CYP2D6: variants seen among roughly 807,000 people sequenced by gnomAD.
CYP2D6 encodes cytochrome P450 2D6.
Under a neutral mutation model 43.5 loss-of-function variants are expected in CYP2D6, and 51 were observed. That is an observed-to-expected ratio of 1.17 (90% CI 0.94 to 1.48). The LOEUF is 1.48. Among genes scored for constraint, CYP2D6 ranks in the 40% most tolerant of loss-of-function variants. The pLI, the probability that CYP2D6 is intolerant of heterozygous loss-of-function variation, is 0.00. For missense variants in CYP2D6, 698 were observed against 688.0 expected (o/e 1.01, Z -0.16); for synonymous variants, 346 against 297.1 (o/e 1.16, Z -1.69).
chr22:42,127,678 T>C, intron 6 of CYP2D6, 44 bp from the exon 7 acceptor site: 1 of 1,591,876 alleles, frequency 6.3e-7, no homozygotes, highest in Non-Finnish European at 8.6e-7. Context: ...ACCCAGGGGG[T>C]CCGGCCCTGA....
rs1296887704 is a variant in CYP2D6 at position 42,130,626 on chromosome 22, A to G, written c.166T>C (p.Tyr56His). Residue 56 changes from tyrosine to histidine, a missense_variant, in exon 1 of 9, where the codon TAC becomes CAC. By Grantham distance (83) the Tyr-to-His change is moderately conservative. Coordinates refer to ENST00000645361, the MANE Select transcript of CYP2D6 (RefSeq NM_000106.6). ...TCCTCCCTCACCTGGTCGAAGCAGT[A>G]TGGTGTGTTCTGGAAGTCCACATGC... Reference protein sequence around the residue: ...LLHVDFQNTPYCFDQLRRRFG... With the variant: ...LLHVDFQNTPHCFDQLRRRFG... 8 of 1,605,196 alleles carry G rather than the reference A, an allele frequency of 5.0e-6. No homozygotes were observed. The highest frequency in any genetic ancestry group is 3.4e-5 in the Admixed American group (2 of 59,352).
chr22:42,129,723 C>G lies in CYP2D6; in HGVS notation c.352+15G>C. On this transcript the variant is annotated intron_variant, in intron 2 of 8. Coordinates refer to ENST00000645361, the MANE Select transcript of CYP2D6 (RefSeq NM_000106.6). ...GGTCCCACGGAAATCTGTCTCTGTC[C>G]CCACCGCTGCTTGCCTTGGGAACGC... 1 of 1,609,512 alleles carries G rather than the reference C, an allele frequency of 6.2e-7. No homozygotes were observed. Among genetic ancestry groups the G allele is most frequent in the Non-Finnish European group, 8.5e-7 (1 of 1,178,046 alleles).
chr22:42,128,869 C>T lies in CYP2D6; in HGVS notation c.581G>A (p.Arg194His), dbSNP rs369772253. Residue 194 changes from arginine to histidine, a missense_variant, in exon 4 of 9, where the codon CGC becomes CAC. By Grantham distance (29) the Arg-to-His change is conservative (BLOSUM62 0). Transcript: ENST00000645361. ...NVIASLTCGR[R>H]FEYDDPRFLR... ...GAAGCGAGGGTCGTCGTACTCGAAG[C>T]GGCGCCCGCAGGTGAGGGAGGCGAT... The T allele has an allele frequency of 8.7e-5, 140 of 1,601,872 alleles. No homozygotes were observed. Among genetic ancestry groups the T allele is most frequent in the Admixed American group, 2.6e-4 (15 of 58,482 alleles).
Position 42,128,314 on chromosome 22 carries a change from C to G in CYP2D6, c.703G>C (p.Ala235Pro). The part of the protein sequence containing the change: ...NAVPVLLHIP[A>P]LAGKVLRFQK... ...AAGCGTAGGACCTTGCCAGCCAGCGCTGGGATATGCAGGAGGACGGGGACA... is the reference window on the plus strand; with the variant it reads ...AAGCGTAGGACCTTGCCAGCCAGCGGTGGGATATGCAGGAGGACGGGGACA... Residue 235 changes from alanine (A) to proline (P), a missense_variant, in exon 5 of 9, where the codon GCG becomes CCG. This residue lies in a region of CYP2D6 where 588 missense variants were observed against 521.1 expected (regional missense o/e 1.13). Transcript: ENST00000645361. 6.2e-7 allele frequency: 1 copy of G among 1,610,680 alleles called. No individual in the cohort carries two copies. Among genetic ancestry groups the G allele is most frequent in the Non-Finnish European group, 8.5e-7 (1 of 1,178,028 alleles).
rs1243903452 is a variant in CYP2D6, at chr22:42,126,655, T to TC, written c.1412dup (p.Gln472ThrfsTer20). ...CACCATGGTGGCTGGGCCGGGGCTG[T>TC]CCAGTGGGCACCGAGAAGCTGAAGT... On this transcript the variant is annotated frameshift_variant, in exon 9 of 9. Coordinates refer to ENST00000645361, the MANE Select transcript of CYP2D6 (RefSeq NM_000106.6). LOFTEE classifies it low-confidence loss of function (END_TRUNC). 1 of 1,608,916 alleles carries TC rather than the reference T, an allele frequency of 6.2e-7. No individual in the cohort carries two copies. The highest frequency in any genetic ancestry group is 1.4e-5 in the African/African-American group (1 of 73,966).
At position 42,126,566 on chromosome 22, in the gene CYP2D6, AC is replaced by A; in HGVS notation, c.*7del. The A allele has an allele frequency of 6.4e-7, 1 of 1,565,182 alleles. No homozygotes were observed. The highest frequency in any genetic ancestry group is 8.7e-7 in the Non-Finnish European group (1 of 1,154,648). On this transcript the variant is annotated 3_prime_UTR_variant, in exon 9 of 9. Transcript: ENST00000645361. ...CTAGGGAGCAGGCTGGGGACTAGGTACCCCATTCTAGCGGGGCACAGCACAA... is the reference window on the plus strand; with the variant it reads ...CTAGGGAGCAGGCTGGGGACTAGGTACCCATTCTAGCGGGGCACAGCACAA...
Position 42,130,716 on chromosome 22 carries a change from G to A in CYP2D6, c.76C>T (p.Arg26Cys), listed in dbSNP as rs145868402. The A allele has an allele frequency of 2.7e-5, 43 of 1,601,994 alleles. No individual in the cohort carries two copies. Among genetic ancestry groups the A allele is most frequent in the Admixed American group, 5.1e-5 (3 of 58,762 alleles). Residue 26 changes from arginine (R) to cysteine (C), a missense_variant, in exon 1 of 9, where the codon CGC becomes TGC. Arg to Cys is a radical substitution (Grantham distance 180, BLOSUM62 -3). Around this residue, in one of 5 missense-constraint regions of CYP2D6, gnomAD observed 588 missense variants for 521.1 expected, o/e 1.13. Coordinates refer to ENST00000645361, the MANE Select transcript of CYP2D6 (RefSeq NM_000106.6). ...FLLLVDLMHR[R>C]QRWAARYPPG... ...GGGTAGCGTGCAGCCCAGCGTTGGC[G>A]CCGGTGCATCAGGTCCACCAGGAGC... is the stretch of plus-strand genomic sequence containing the variant.
At chr22:42,127,758 C>G (rs539070953) in intron 6 of CYP2D6, 84 bp downstream of exon 6, 13 of 1,573,770 alleles carry the variant, frequency 8.3e-6, no homozygotes, top group Non-Finnish European at 1.0e-5. Context: ...GTGCTTGGAG[C>G]CCCGGGTGTC....
intron 4 of CYP2D6, 67 bp downstream of exon 4, chr22:42,128,717 C>A: frequency 6.5e-7 from 1 of 1,541,810 alleles, no homozygotes; most frequent in Non-Finnish European, 8.8e-7. Context: ...CTTCCGAGGC[C>A]CCAGTCCAGC....
chr22:42,128,803 T>G lies in CYP2D6; in HGVS notation c.647A>C (p.Glu216Ala), dbSNP rs770638636. The change falls in exon 4 of 9, where the codon GAG becomes GCG. Residue 216 changes from glutamate (E) to alanine (A), a missense_variant. Physicochemically the swap from Glu to Ala is moderately radical, Grantham distance 107. This residue lies in a region of CYP2D6 where 588 missense variants were observed against 521.1 expected (regional missense o/e 1.13). Transcript: ENST00000645361. Reference sequence around the variant, plus strand: ...CCGCACCTCGCGCAGAAAGCCCGACTCCTCCTTCAGTCCCTCCTGAGCTAG... The same window carrying G: ...CCGCACCTCGCGCAGAAAGCCCGACGCCTCCTTCAGTCCCTCCTGAGCTAG... ...LDLAQEGLKE[E>A]SGFLREVLNA... 4 of 1,607,428 alleles carry G rather than the reference T, an allele frequency of 2.5e-6. No individual in the cohort carries two copies. The highest frequency in any genetic ancestry group is 1.3e-5 in the African/African-American group (1 of 74,150).
chr22:42,127,964 C>T lies in CYP2D6; in HGVS notation c.863G>A (p.Ser288Asn), dbSNP rs1931217088. The T allele has an allele frequency of 1.2e-6, 2 of 1,611,344 alleles. No individual in the cohort carries two copies. The highest frequency in any genetic ancestry group is 1.7e-6 in the Non-Finnish European group (2 of 1,178,364). Residue 288 changes from serine (S) to asparagine (N), a missense_variant, in exon 6 of 9, where the codon AGC (serine) becomes AAC (asparagine). Ser to Asn is a conservative substitution (Grantham distance 46, BLOSUM62 1). Around this residue, in one of 5 missense-constraint regions of CYP2D6, gnomAD observed 588 missense variants for 521.1 expected, o/e 1.13. Transcript: ENST00000645361. ...EMEKAKGNPESSFNDENLRIV... is the reference protein window; with the variant it reads ...EMEKAKGNPENSFNDENLRIV... ...GCGCAGGTTCTCATCATTGAAGCTG[C>T]TCTCAGGGTTCCCCTTGGCCTGAGC...
chr22:42,128,481 C>G, intron 4 of CYP2D6, 131 bp from the exon 5 acceptor site: 2 of 1,113,490 alleles, frequency 1.8e-6, no homozygotes, highest in Non-Finnish European at 2.7e-6. Flanking sequence ...CAAGTCCCTC[C>G]CCAAGTGCCA....
In CYP2D6 at chr22:42,129,842, C is replaced by T; in HGVS notation, c.248G>A (p.Gly83Glu). The T allele has an allele frequency of 6.3e-7, 1 of 1,598,120 alleles. No homozygotes were observed. The highest frequency in any genetic ancestry group is 1.7e-4 in the Middle Eastern group (1 of 5,986). ...LAWTPVVVLN[G>E]LAAVREALVT... is the part of the protein sequence containing the mutation. The stretch of plus-strand genomic sequence containing the variant: ...CAGCGCCTCGCGCACGGCCGCCAGC[C>T]CATTGAGCACGACCACCGGCGTCCA... Residue 83 changes from glycine to glutamate, a missense_variant, in exon 2 of 9, where the codon GGG (glycine) becomes GAG (glutamate). Transcript: ENST00000645361.
chr22:42,126,699 A>G lies in CYP2D6; in HGVS notation c.1369T>C (p.Phe457Leu). 5 of 1,590,626 alleles carry G rather than the reference A, an allele frequency of 3.1e-6. No homozygotes were observed. The highest frequency in any genetic ancestry group is 3.4e-6 in the Non-Finnish European group (4 of 1,169,332). ...CTGAAGTGCTGCAGCAGGGAGGTGA[A>G]GAAGAGGAAGAGCTCCATGCGGGCC... ...PLARMELFLF[F>L]TSLLQHFSFS... Residue 457 changes from phenylalanine (F) to leucine (L), a missense_variant, in exon 9 of 9, where the codon TTC (phenylalanine) becomes CTC (leucine). Phe to Leu is a conservative substitution (Grantham distance 22, BLOSUM62 0). Around this residue, in one of 5 missense-constraint regions of CYP2D6, gnomAD observed 85 missense variants for 81.2 expected, o/e 1.05. Coordinates refer to ENST00000645361, the MANE Select transcript of CYP2D6 (RefSeq NM_000106.6).
rs905200120 is a variant in CYP2D6, at chr22:42,126,551, G to A, written c.*23C>T. The A allele has an allele frequency of 9.1e-6, 14 of 1,546,068 alleles. No homozygotes were observed. Among genetic ancestry groups the A allele is most frequent in the Non-Finnish European group, 1.2e-5 (14 of 1,145,892 alleles). The stretch of plus-strand genomic sequence containing the variant: ...CATTAGAGCCTCTGGCTAGGGAGCA[G>A]GCTGGGGACTAGGTACCCCATTCTA... On this transcript the variant is annotated 3_prime_UTR_variant, in exon 9 of 9. Coordinates refer to ENST00000645361, the MANE Select transcript of CYP2D6 (RefSeq NM_000106.6).
At chr22:42,129,986 G>A (rs1931810776) in intron 1 of CYP2D6, 77 bp from the exon 2 acceptor site, 1 of 1,409,522 alleles carries the variant, frequency 7.1e-7, no homozygotes, top group Non-Finnish European at 9.5e-7. Context: ...TTTGAACCTT[G>A]GACGACCCCC....
At position 42,130,693 on chromosome 22, in the gene CYP2D6, G is replaced by A. The variant is rs754019883; in HGVS notation, c.99C>T (p.Tyr33=). The A allele has an allele frequency of 1.9e-6, 3 of 1,606,718 alleles. No individual in the cohort carries two copies. Among genetic ancestry groups the A allele is most frequent in the African/African-American group, 1.4e-5 (1 of 74,058 alleles). Residue 33 remains tyrosine, a synonymous_variant, in exon 1 of 9, where the codon TAC becomes TAT. Transcript: ENST00000645361. The part of the protein sequence containing the change: ...MHRRQRWAAR[Y]PPGPLPLPGL... Reference sequence around the variant, plus strand: ...CGGGCAGTGGCAGGGGGCCTGGTGGGTAGCGTGCAGCCCAGCGTTGGCGCC... The same window carrying A: ...CGGGCAGTGGCAGGGGGCCTGGTGGATAGCGTGCAGCCCAGCGTTGGCGCC...
intron 2 of CYP2D6, among the ~76,000 whole-genome samples, 186 bp downstream of exon 2, chr22:42,129,552 C>T (rs2146940055): frequency 6.6e-6 from 1 of 151,630 alleles, no homozygotes; most frequent in Admixed American, 6.6e-5. Context: ...CCCGCCCACT[C>T]GTCACAAGCC....
In CYP2D6 at chr22:42,127,978, C is replaced by T. The variant is rs781774568; in HGVS notation, c.849G>A (p.Lys283=). Reference sequence around the variant, plus strand: ...CATTGAAGCTGCTCTCAGGGTTCCCCTTGGCCTGAGCAGGGCCGAGAGCAT... The same window carrying T: ...CATTGAAGCTGCTCTCAGGGTTCCCTTTGGCCTGAGCAGGGCCGAGAGCAT... ...EAFLAEMEKA[K]GNPESSFNDE... The change falls in exon 6 of 9, where the codon AAG becomes AAA. Residue 283 remains lysine (K), a synonymous_variant. Coordinates refer to ENST00000645361, the MANE Select transcript of CYP2D6 (RefSeq NM_000106.6). 1 of 1,611,456 alleles carries T rather than the reference C, an allele frequency of 6.2e-7. No individual in the cohort carries two copies. Among genetic ancestry groups the T allele is most frequent in the South Asian group, 1.1e-5 (1 of 90,928 alleles).
Sources: gnomAD v4.1 joint callset for allele counts (sites outside exome capture counted in the v4.1 genomes callset) on GRCh38, gnomAD v4.1.1 for gene constraint, gnomAD v4.1.1 regional missense constraint, MANE v1.5 for transcripts, NCBI Gene and HGNC (gene_info 2026-07-23, HGNC 2026-07-21) for gene names.